Variants in SYT1 observed in about 807,000 individuals in gnomAD.
The protein encoded by SYT1 is synaptotagmin-1.
In SYT1, 8 loss-of-function variants were observed where a neutral mutation model predicts 44.8. That is an observed-to-expected ratio of 0.18 (90% CI 0.10 to 0.32). SYT1 has a LOEUF of 0.32. Ranked by LOEUF, SYT1 falls within the 10% of genes least tolerant of loss-of-function variation. The pLI, the probability that SYT1 is intolerant of heterozygous loss-of-function variation, is 1.00. For synonymous variants in SYT1, 154 were observed against 188.8 expected (o/e 0.82, Z 1.51); for missense variants, 286 against 509.3 (o/e 0.56, Z 4.22).
chr12:79,100,735 A>G (rs1463754917), intron 3 of SYT1, among the ~76,000 whole-genome samples: 1 of 152,176 alleles, frequency 6.6e-6, no homozygotes, highest in Admixed American at 6.5e-5. Context: ...CTGATTACAT[A>G]TGTCTTAGTT....
chr12:78,940,207 TTC>T (rs925264350), intron 1 of SYT1, among the ~76,000 whole-genome samples: 3 of 152,176 alleles, frequency 2.0e-5, no homozygotes, highest in African/African-American at 7.2e-5. Context: ...TTGAAATTAA[TTC>T]TCTTTATTAT....
chr12:79,395,752 T>C (rs1282493395), intron 9 of SYT1, among the ~76,000 whole-genome samples: 1 of 151,370 alleles, frequency 6.6e-6, no homozygotes, highest in Admixed American at 6.6e-5. Flanking sequence ...CTATGTGTAG[T>C]AAGCACTTTA....
intron 3 of SYT1, among the ~76,000 whole-genome samples, chr12:79,129,490 T>C (rs1489103080): frequency 6.6e-6 from 1 of 152,178 alleles, no homozygotes; most frequent in African/African-American, 2.4e-5. Context: ...AGAGTCACTG[T>C]TGAAAGAAGA....
intron 3 of SYT1, among the ~76,000 whole-genome samples, chr12:79,074,492 C>G (rs1271243635): frequency 6.6e-6 from 1 of 152,190 alleles, no homozygotes; most frequent in East Asian, 1.9e-4. Flanking sequence ...CCTTTATCCT[C>G]TCATTAAGTC....
chr12:78,956,572 A>G (rs1879228194), intron 1 of SYT1, among the ~76,000 whole-genome samples: 1 of 148,590 alleles, frequency 6.7e-6, no homozygotes, highest in South Asian at 2.1e-4. Flanking sequence ...TAAACTTAAA[A>G]TAGGCATCAA....
intron 4 of SYT1, among the ~76,000 whole-genome samples, chr12:79,284,529 G>C (rs982192327): frequency 5.3e-5 from 8 of 151,902 alleles, no homozygotes; most frequent in African/African-American, 1.9e-4. Context: ...ACCATGCCTT[G>C]ACTATAAAGA....
At chr12:79,041,977 A>C (rs1873615700) in intron 2 of SYT1, among the ~76,000 whole-genome samples, 1 of 152,114 alleles carries the variant, frequency 6.6e-6, no homozygotes, top group Non-Finnish European at 1.5e-5. Flanking sequence ...GATGAAGCCC[A>C]CTTGATCATG....
At chr12:79,371,602 CT>C (rs1392777765) in intron 9 of SYT1, among the ~76,000 whole-genome samples, 5 of 152,042 alleles carry the variant, frequency 3.3e-5, no homozygotes, top group Non-Finnish European at 7.4e-5. Flanking sequence ...TATTCAATGA[CT>C]ATAAAAAAGA....
At chr12:79,439,441 G>T (rs1174949377) in intron 9 of SYT1, among the ~76,000 whole-genome samples, 1 of 152,034 alleles carries the variant, frequency 6.6e-6, no homozygotes, top group African/African-American at 2.4e-5. Flanking sequence ...GTTTAGAGCG[G>T]GTATGCTTCT....
chr12:78,938,216 A>C (rs966294878), intron 1 of SYT1, among the ~76,000 whole-genome samples: 6 of 151,940 alleles, frequency 3.9e-5, no homozygotes, highest in African/African-American at 1.5e-4. Context: ...TTCTCTTTTA[A>C]CACAGCTTTT....
At chr12:78,882,556 C>G (rs1874515925) in intron 1 of SYT1, among the ~76,000 whole-genome samples, 1 of 151,614 alleles carries the variant, frequency 6.6e-6, no homozygotes. Flanking sequence ...CAAAATTCCT[C>G]CAGAACTGCC....
intron 1 of SYT1, chr12:78,955,326 C>T (rs1483614809): frequency 6.6e-6 from 1 of 152,020 alleles, no homozygotes; most frequent in Non-Finnish European, 1.5e-5. Context: ...TGCCATAACA[C>T]CAGTTGTGCC....
At chr12:79,139,661 T>G (rs185700900) in intron 3 of SYT1, among the ~76,000 whole-genome samples, 1 of 152,340 alleles carries the variant, frequency 6.6e-6, no homozygotes, top group Non-Finnish European at 1.5e-5. Flanking sequence ...CCCAAATATT[T>G]AAATACGCTT....
At chr12:79,409,416 G>C (rs1008204897) in intron 9 of SYT1, among the ~76,000 whole-genome samples, 3 of 152,062 alleles carry the variant, frequency 2.0e-5, no homozygotes, top group Non-Finnish European at 4.4e-5. Context: ...TATTATGGTA[G>C]AGGATTTATA....
intron 2 of SYT1, among the ~76,000 whole-genome samples, chr12:78,998,579 G>A (rs1049466894): frequency 1.3e-5 from 2 of 152,152 alleles, no homozygotes; most frequent in African/African-American, 4.8e-5. Flanking sequence ...TCTAAACAAC[G>A]ATATGATGTT....
intron 3 of SYT1, among the ~76,000 whole-genome samples, chr12:79,181,881 T>A (rs546876081): frequency 6.6e-6 from 1 of 152,140 alleles, no homozygotes; most frequent in South Asian, 2.1e-4. Flanking sequence ...TTATTTTCAC[T>A]CTTTTTTCTC....
intron 9 of SYT1, among the ~76,000 whole-genome samples, chr12:79,414,780 G>A (rs1868631345): frequency 6.6e-6 from 1 of 152,160 alleles, no homozygotes; most frequent in Admixed American, 6.5e-5. Context: ...AAGCAGAGAT[G>A]AATGAGGGCT....
chr12:79,031,919 T>C (rs1224644649), intron 2 of SYT1, among the ~76,000 whole-genome samples: 7 of 151,296 alleles, frequency 4.6e-5, no homozygotes, highest in Admixed American at 4.0e-4. Context: ...TAAGCCTTTG[T>C]GAAAATATAT....
chr12:78,875,236 G>A (rs113326164), intron 1 of SYT1, among the ~76,000 whole-genome samples: 10,191 of 151,592 alleles, frequency 0.067, 652 homozygotes, highest in African/African-American at 0.17. Flanking sequence ...TCTTCGGTAA[G>A]TATGATGATG....
Sources: allele counts gnomAD v4.1 joint callset (sites outside exome capture counted in the v4.1 genomes callset), GRCh38; gene constraint gnomAD v4.1.1; transcripts MANE v1.5; gene names NCBI Gene and HGNC (gene_info 2026-07-23, HGNC 2026-07-21).